Variants in MIGA2 observed in about 807,000 individuals in gnomAD.
The protein encoded by MIGA2 is family with sequence similarity 73, member B.
A neutral mutation model predicts 69.9 loss-of-function variants in MIGA2; 36 were observed. The ratio of observed to expected loss-of-function variants is 0.52; its 90% CI spans 0.39 to 0.68. MIGA2 has a LOEUF of 0.68. Among genes scored for constraint, MIGA2 ranks in the 30% least tolerant of loss-of-function variants. The pLI is 0.00. For missense variants in MIGA2, 660 were observed against 787.7 expected (o/e 0.84, Z 1.94); for synonymous variants, 333 against 349.2 (o/e 0.95, Z 0.52).
In MIGA2 at chr9:129,039,171, TTGTTTGTG is replaced by T. The variant is rs1012630369; in HGVS notation, c.-143-1277_-143-1270del. On this transcript the variant is annotated intron_variant, in intron 1 of 15. Transcript: ENST00000684074. ...AAAATACGTAGCGTGGAGTAGCTCT[TTGTTTGTG>T]TGTGTGTGTGTGTGTGTGTGTGTGT... Among the ~76,000 whole-genome samples the T allele has an allele frequency of 6.2e-4, 79 of 126,458 alleles. 2 individuals carry two copies. The South Asian group carries it at 0.016, about 26-fold the overall frequency. The allele number at this position is 126,458 out of a possible 152,430, so 83.0% of individuals were successfully genotyped here.
In MIGA2 at chr9:129,063,329, T is replaced by C; in HGVS notation, c.1083+13T>C. ...GCAGGCCTTCGAGGTGGGTGTGGCCTGGGGGTTCCTCGGGGGTGGGAGGCA... is the reference window on the plus strand; with the variant it reads ...GCAGGCCTTCGAGGTGGGTGTGGCCCGGGGGTTCCTCGGGGGTGGGAGGCA... On this transcript the variant is annotated intron_variant, in intron 10 of 15. Transcript: ENST00000684074. The C allele has an allele frequency of 6.2e-7, 1 of 1,613,420 alleles. No individual in the cohort carries two copies. Among genetic ancestry groups the C allele is most frequent in the Non-Finnish European group, 8.5e-7 (1 of 1,179,786 alleles).
At chr9:129,050,088 GGTGTCTTGATGT>G in intron 6 of MIGA2, 125 bp downstream of exon 6, 2 of 1,314,332 alleles carry the variant, frequency 1.5e-6, no homozygotes, top group Non-Finnish European at 2.1e-6. Context: ...CCTCTATGAG[GGTGTCTTGATGT>G]GAAACAAAAC....
In MIGA2 at chr9:129,059,732, C is replaced by T. The variant is rs537799732; in HGVS notation, c.793+461C>T. Among the ~76,000 whole-genome samples the T allele has an allele frequency of 2.3e-4, 35 of 152,136 alleles. No individual in the cohort carries two copies. Among genetic ancestry groups the T allele is most frequent in the Non-Finnish European group, 1.3e-4 (9 of 68,038 alleles). ...ATGATGTGACATACTGAGGGGGAAC[C>T]AAGTTATTCTGCCAAACAGCCACTG... On this transcript the variant is annotated intron_variant, in intron 7 of 15. Transcript: ENST00000684074. The surrounding 1 kb of genome is among the most constrained non-coding windows in gnomAD (Gnocchi z 5.6).
rs1302949646 is a variant in MIGA2 at position 129,066,727 on chromosome 9, A to G, written c.1171-1046A>G. 2.6e-5 allele frequency among the ~76,000 whole-genome samples: 4 copies of G among 151,542 alleles called. No homozygotes were observed. In the East Asian group the frequency reaches 5.8e-4, roughly 22 times the overall value. ...GTAATCCCAGCACTTTGGGAGGCCAAGGCAGGCAGATCACAAGGTCAGGAG... is the reference window on the plus strand; with the variant it reads ...GTAATCCCAGCACTTTGGGAGGCCAGGGCAGGCAGATCACAAGGTCAGGAG... On this transcript the variant is annotated intron_variant, in intron 11 of 15. Transcript: ENST00000684074.
chr9:129,061,462 G>C lies in MIGA2; in HGVS notation c.1010+116G>C. ...CGAGGACTTAGCCTGAGTGAGTCCA[G>C]GCTGCCTGAGGGCCGTGGTGAGCTG... On this transcript the variant is annotated intron_variant, in intron 9 of 15. Coordinates refer to ENST00000684074, the MANE Select transcript of MIGA2 (RefSeq NM_001329990.2). The surrounding 1 kb of genome is among the most constrained non-coding windows in gnomAD (Gnocchi z 5.0). The C allele has an allele frequency of 1.1e-6, 1 of 881,786 alleles. No homozygotes were observed. The highest frequency in any genetic ancestry group is 1.7e-6 in the Non-Finnish European group (1 of 573,502). The allele number at this position is 881,786 out of a possible 1,614,324, so 54.6% of individuals were successfully genotyped here. A position where few individuals can be genotyped will look rare whatever the true frequency, so the allele number is the denominator to read the frequency against.
In MIGA2 at chr9:129,070,593, G is replaced by A. The variant is rs1846629288; in HGVS notation, c.*140G>A. 1.1e-6 allele frequency: 1 copy of A among 917,080 alleles called. No homozygotes were observed. The highest frequency in any genetic ancestry group is 1.6e-6 in the Non-Finnish European group (1 of 627,856). 56.8% of individuals were successfully genotyped at this position (917,080 alleles called of 1,614,324 possible). A position where few individuals can be genotyped will look rare whatever the true frequency, so the allele number is the denominator to read the frequency against. ...CATCTGGGAGTCCCCAAGGCCCAGA[G>A]GGGACATTTCCATGGAGAAGAACGG... On this transcript the variant is annotated 3_prime_UTR_variant, in exon 16 of 16. Transcript: ENST00000684074.
chr9:129,060,794 G>T lies in MIGA2; in HGVS notation c.894+144G>T. On this transcript the variant is annotated intron_variant, in intron 8 of 15. Coordinates refer to ENST00000684074, the MANE Select transcript of MIGA2 (RefSeq NM_001329990.2). This position sits in a 1 kb window ranked among gnomAD's most constrained non-coding sequence, Gnocchi z 4.8. ...GGATGCTCCCACGGGCCTCCTCGAA[G>T]CTGTTGGGGATGGGGGGTGCTGAGA... 1.5e-6 allele frequency: 1 copy of T among 676,512 alleles called. No individual in the cohort carries two copies. The allele number at this position is 676,512 out of a possible 1,614,324, so 41.9% of individuals were successfully genotyped here.
At position 129,070,403 on chromosome 9, in the gene MIGA2, G is replaced by A. The variant is rs781180221; in HGVS notation, c.1732G>A (p.Val578Met). 60 of 1,609,838 alleles carry A rather than the reference G, an allele frequency of 3.7e-5. No homozygotes were observed. The highest frequency in any genetic ancestry group is 2.0e-4 in the African/African-American group (15 of 75,046). ...GGTGCCCGCGGCCAGCAGCGCAGGCGTGAATGGGGCGCTGCCCCGAGAGAA... is the reference window on the plus strand; with the variant it reads ...GGTGCCCGCGGCCAGCAGCGCAGGCATGAATGGGGCGCTGCCCCGAGAGAA... ...LGVPAASSAG[V>M]NGALPRENGP... Residue 578 changes from valine (V) to methionine (M), a missense_variant, in exon 16 of 16, where the codon GTG becomes ATG. Val to Met is a conservative substitution (Grantham distance 21, BLOSUM62 1). Around this residue, in one of 3 missense-constraint regions of MIGA2, gnomAD observed 220 missense variants for 301.7 expected, o/e 0.73. Transcript: ENST00000684074.
chr9:129,056,834 A>G (rs111464312), intron 6 of MIGA2, among the ~76,000 whole-genome samples: 1 of 152,184 alleles, frequency 6.6e-6, no homozygotes, highest in African/African-American at 2.4e-5. Context: ...AGGAGTTCAA[A>G]ACCAGCCTGG....
intron 3 of MIGA2, among the ~76,000 whole-genome samples, chr9:129,047,787 T>C (rs1432054773): frequency 6.6e-6 from 1 of 151,956 alleles, no homozygotes; most frequent in Non-Finnish European, 1.5e-5. Flanking sequence ...TGGAATGAAG[T>C]ATTGCGATCA....
At chr9:129,055,802 T>A (rs1446773195) in intron 6 of MIGA2, among the ~76,000 whole-genome samples, 1 of 149,150 alleles carries the variant, frequency 6.7e-6, no homozygotes, top group African/African-American at 2.5e-5. Context: ...TGAGCTGAGA[T>A]TGCACCACTG....
At chr9:129,063,655 G>GGGGTGGGGGGC in intron 11 of MIGA2, 24 bp downstream of exon 11, 1 of 645,746 alleles carries the variant, frequency 1.5e-6, no homozygotes, top group Non-Finnish European at 2.9e-6. Flanking sequence ...GGGTGGGGGG[G>GGGGTGGGGGGC]CAAATTATAA....
At chr9:129,043,890 CAG>C (rs1195401111) in intron 3 of MIGA2, among the ~76,000 whole-genome samples, 3 of 151,100 alleles carry the variant, frequency 2.0e-5, no homozygotes, top group African/African-American at 7.3e-5. Flanking sequence ...TTAGTAGAGA[CAG>C]GGTTTCACTG....
At position 129,060,723 on chromosome 9, in the gene MIGA2, A is replaced by G; in HGVS notation, c.894+73A>G. The G allele has an allele frequency of 7.9e-7, 1 of 1,269,518 alleles. No individual in the cohort carries two copies. Among genetic ancestry groups the G allele is most frequent in the Non-Finnish European group, 1.1e-6 (1 of 907,936 alleles). The allele number at this position is 1,269,518 out of a possible 1,614,324, so 78.6% of individuals were successfully genotyped here. A position where few individuals can be genotyped will look rare whatever the true frequency, so the allele number is the denominator to read the frequency against. The stretch of plus-strand genomic sequence containing the variant: ...TCCTCTGCAGGTCCATGGGGCCAGC[A>G]CTGGGTCATGGGAAAGTGGAGGCAT... On this transcript the variant is annotated intron_variant, in intron 8 of 15. Coordinates refer to ENST00000684074, the MANE Select transcript of MIGA2 (RefSeq NM_001329990.2). This position sits in a 1 kb window ranked among gnomAD's most constrained non-coding sequence, Gnocchi z 4.8.
chr9:129,047,341 A>C (rs1433899785), intron 3 of MIGA2: 3 of 151,884 alleles, frequency 2.0e-5, no homozygotes, highest in African/African-American at 7.3e-5. Context: ...AGCCTCCCAA[A>C]GTGCTGGGAT....
intron 5 of MIGA2, 142 bp downstream of exon 5, chr9:129,049,640 G>A: frequency 8.0e-7 from 1 of 1,255,630 alleles, no homozygotes; most frequent in Non-Finnish European, 1.1e-6. Context: ...AGCCATTTCT[G>A]AACAAGGGAC....
Position 129,061,266 on chromosome 9 carries a change from C to G in MIGA2, c.930C>G (p.Ile310Met), listed in dbSNP as rs1476197814. The change falls in exon 9 of 16, where the codon ATC (isoleucine) becomes ATG (methionine). Residue 310 changes from isoleucine to methionine, a missense_variant. Transcript: ENST00000684074. The surrounding 1 kb of genome is among the most constrained non-coding windows in gnomAD (Gnocchi z 5.0). Reference sequence around the variant, plus strand: ...CCCTGCAGACTGGAGATTACCCGATCCCACTCTCCAGACCCGCCGCTGCCT... The same window carrying G: ...CCCTGCAGACTGGAGATTACCCGATGCCACTCTCCAGACCCGCCGCTGCCT... ...FESLQTGDYPIPLSRPAAAYE... is the reference protein window; with the variant it reads ...FESLQTGDYPMPLSRPAAAYE... 1 of 1,611,700 alleles carries G rather than the reference C, an allele frequency of 6.2e-7. No homozygotes were observed. Among genetic ancestry groups the G allele is most frequent in the East Asian group, 2.2e-5 (1 of 44,850 alleles).
In MIGA2 at chr9:129,068,554, T is replaced by C. The variant is rs1369837094; in HGVS notation, c.1404+222T>C. 7 of 567,574 alleles carry C rather than the reference T, an allele frequency of 1.2e-5. No individual in the cohort carries two copies. The African/African-American group carries it at 1.3e-4, about 11-fold the overall frequency. 35.2% of individuals were successfully genotyped at this position (567,574 alleles called of 1,614,324 possible). The stretch of plus-strand genomic sequence containing the variant: ...TTTAGAACCAACATGGTGTGCGCTT[T>C]CTTCCTATTGTGTGGTTTTACTTTT... On this transcript the variant is annotated intron_variant, in intron 13 of 15. Coordinates refer to ENST00000684074, the MANE Select transcript of MIGA2 (RefSeq NM_001329990.2). The surrounding 1 kb of genome is among the most constrained non-coding windows in gnomAD (Gnocchi z 4.1).
Position 129,068,427 on chromosome 9 carries a change from G to T in MIGA2, c.1404+95G>T. ...CCTCTGTCCCTAGCACTGGCACCAG[G>T]GCTGGGCCCCCACCCCCTAGATCCG... On this transcript the variant is annotated intron_variant, in intron 13 of 15. Transcript: ENST00000684074. The surrounding 1 kb of genome is among the most constrained non-coding windows in gnomAD (Gnocchi z 4.1). 2 of 1,512,568 alleles carry T rather than the reference G, an allele frequency of 1.3e-6. No individual in the cohort carries two copies. Among genetic ancestry groups the T allele is most frequent in the Non-Finnish European group, 1.8e-6 (2 of 1,118,962 alleles). 93.7% of individuals were successfully genotyped at this position (1,512,568 alleles called of 1,614,324 possible). A position where few individuals can be genotyped will look rare whatever the true frequency, so the allele number is the denominator to read the frequency against.
Sources: allele counts gnomAD v4.1 joint callset (sites outside exome capture counted in the v4.1 genomes callset), GRCh38; gene constraint gnomAD v4.1.1; regional missense constraint gnomAD v4.1.1; non-coding constraint Gnocchi (gnomAD v3.1); transcripts MANE v1.5; gene names NCBI Gene and HGNC (gene_info 2026-07-23, HGNC 2026-07-21).